PPP2R2B: variants seen among roughly 807,000 people sequenced by gnomAD.
PPP2R2B encodes protein phosphatase 2 regulatory subunit Bbeta, also known as serine/threonine-protein phosphatase 2A 55 kDa regulatory subunit B beta isoform.
PPP2R2B carries 5 observed loss-of-function variants against 46.0 expected under a neutral mutation model. That is an observed-to-expected ratio of 0.11 (90% CI 0.06 to 0.23). The LOEUF is 0.23. Ranked by LOEUF, PPP2R2B falls within the 10% of genes least tolerant of loss-of-function variation. The pLI is 1.00. For missense variants in PPP2R2B, 367 were observed against 575.0 expected, an observed-to-expected ratio of 0.64 and a Z score of 3.70; for synonymous variants, 215 against 206.7, an observed-to-expected ratio of 1.04 and a Z score of -0.34.
chr5:147,049,116 G>GTGTGTT (rs1554088783), intron 1 of PPP2R2B, among the ~76,000 whole-genome samples: 18 of 150,898 alleles, frequency 1.2e-4, no homozygotes, highest in Non-Finnish European at 1.5e-4. Context: ...GTGTGTGTGT[G>GTGTGTT]TGTGTGTGAG....
At chr5:146,590,762 G>A (rs1770558316) in intron 9 of PPP2R2B, among the ~76,000 whole-genome samples, 1 of 152,080 alleles carries the variant, frequency 6.6e-6, no homozygotes, top group African/African-American at 2.4e-5. Context: ...CCCGGGGCGC[G>A]ACCTCTCCCC....
chr5:146,898,247 T>C (rs1406312687), intron 1 of PPP2R2B, among the ~76,000 whole-genome samples: 1 of 152,194 alleles, frequency 6.6e-6, no homozygotes, highest in African/African-American at 2.4e-5. Flanking sequence ...GCATTATTTC[T>C]GAGGGCTCTG....
chr5:146,600,183 T>G, intron 8 of PPP2R2B, 108 bp downstream of exon 8: 15 of 1,147,342 alleles, frequency 1.3e-5, no homozygotes, highest in Non-Finnish European at 1.9e-5. Context: ...TGTATCACCA[T>G]GCATTGCCTT....
At chr5:146,923,067 C>T (rs151320984) in intron 1 of PPP2R2B, among the ~76,000 whole-genome samples, 2 of 152,160 alleles carry the variant, frequency 1.3e-5, no homozygotes, top group Non-Finnish European at 2.9e-5. Flanking sequence ...TGTAATCAAG[C>T]CTTGCTCCAA....
chr5:146,752,270 G>T (rs1283116282), intron 2 of PPP2R2B, among the ~76,000 whole-genome samples: 1 of 151,874 alleles, frequency 6.6e-6, no homozygotes, highest in East Asian at 1.9e-4. Flanking sequence ...ATGACTCCAG[G>T]GGTTTTGTTC....
chr5:146,628,342 A>G (rs1308620797), intron 7 of PPP2R2B, among the ~76,000 whole-genome samples: 1 of 152,190 alleles, frequency 6.6e-6, no homozygotes, highest in Non-Finnish European at 1.5e-5. Flanking sequence ...CTTTGGTGTC[A>G]TCCGAAGGAG....
intron 2 of PPP2R2B, among the ~76,000 whole-genome samples, chr5:146,811,971 C>T (rs1757579994): frequency 6.6e-6 from 1 of 152,032 alleles, no homozygotes; most frequent in African/African-American, 2.4e-5. Context: ...AAATGAACTC[C>T]TACTCACTGG....
At chr5:146,839,601 C>T (rs762059864) in intron 2 of PPP2R2B, among the ~76,000 whole-genome samples, 15 of 152,156 alleles carry the variant, frequency 9.9e-5, no homozygotes, top group Admixed American at 6.5e-5. Context: ...GTATAAGAAC[C>T]AGGGCTTGGC....
intron 2 of PPP2R2B, among the ~76,000 whole-genome samples, chr5:146,755,981 A>G (rs747282055): frequency 2.0e-5 from 3 of 152,138 alleles, no homozygotes; most frequent in Non-Finnish European, 4.4e-5. Context: ...AATCCCTTTC[A>G]TGTATCATTT....
intron 2 of PPP2R2B, among the ~76,000 whole-genome samples, chr5:146,831,695 G>T (rs1199790087): frequency 6.6e-6 from 1 of 152,162 alleles, no homozygotes; most frequent in Non-Finnish European, 1.5e-5. Flanking sequence ...GGAGGCTGAG[G>T]CAGGAGAATC....
intron 7 of PPP2R2B, among the ~76,000 whole-genome samples, chr5:146,628,388 G>A (rs322488): frequency 0.05 from 7,550 of 152,230 alleles, 629 homozygotes; most frequent in African/African-American, 0.17. Context: ...CTGCAGACTT[G>A]CCAATGCAGA....
chr5:146,726,432 A>G (rs543442670), intron 2 of PPP2R2B, among the ~76,000 whole-genome samples: 4 of 152,306 alleles, frequency 2.6e-5, no homozygotes, highest in African/African-American at 9.6e-5. Context: ...AGTATGGCCA[A>G]GTATAAACAC....
chr5:146,692,077 G>A (rs1300973704), intron 4 of PPP2R2B, among the ~76,000 whole-genome samples: 1 of 152,198 alleles, frequency 6.6e-6, no homozygotes, highest in Non-Finnish European at 1.5e-5. Flanking sequence ...TCACTAGAGT[G>A]TAAAATTGTT....
At chr5:146,643,068 C>T (rs1418715398) in intron 6 of PPP2R2B, among the ~76,000 whole-genome samples, 2 of 152,064 alleles carry the variant, frequency 1.3e-5, no homozygotes, top group African/African-American at 4.8e-5. Context: ...AAAAACAAAA[C>T]AAAAACTTAG....
At chr5:146,949,143 C>T (rs139149790) in intron 1 of PPP2R2B, among the ~76,000 whole-genome samples, 2 of 152,110 alleles carry the variant, frequency 1.3e-5, no homozygotes, top group African/African-American at 4.8e-5. Flanking sequence ...AGTTTGCTAA[C>T]ATTTGACATG....
chr5:146,985,832 CA>C (rs1753404158), intron 1 of PPP2R2B, among the ~76,000 whole-genome samples: 1 of 152,002 alleles, frequency 6.6e-6, no homozygotes, highest in African/African-American at 2.4e-5. Flanking sequence ...AAGACTCCTT[CA>C]AAAAACTGTT....
intron 2 of PPP2R2B, among the ~76,000 whole-genome samples, chr5:146,745,803 C>G (rs900110137): frequency 6.6e-6 from 1 of 151,992 alleles, no homozygotes; most frequent in Non-Finnish European, 1.5e-5. Flanking sequence ...ACTAAAAATA[C>G]AAAAATCAGC....
intron 2 of PPP2R2B, among the ~76,000 whole-genome samples, chr5:146,795,326 T>A (rs551953669): frequency 1.1e-4 from 17 of 152,258 alleles, no homozygotes; most frequent in Non-Finnish European, 1.9e-4. Context: ...AAAGAAAATG[T>A]GGTATACATG....
chr5:147,076,614 GGTTTCT>G (rs1757774041), intron 2 of PPP2R2B, among the ~76,000 whole-genome samples: 1 of 152,116 alleles, frequency 6.6e-6, no homozygotes, highest in African/African-American at 2.4e-5. Flanking sequence ...GTCTTAAAAT[GGTTTCT>G]TCCCACAAGT....
Sources: gnomAD v4.1 joint callset for allele counts (sites outside exome capture counted in the v4.1 genomes callset) on GRCh38, gnomAD v4.1.1 for gene constraint, MANE v1.5 for transcripts, NCBI Gene and HGNC (gene_info 2026-07-23, HGNC 2026-07-21) for gene names.